PPP2R5A: variants seen among roughly 807,000 people sequenced by gnomAD.
PPP2R5A encodes the protein serine/threonine-protein phosphatase 2A 56 kDa regulatory subunit alpha isoform.
In PPP2R5A, 25 loss-of-function variants were observed where a neutral mutation model predicts 64.2. The ratio of observed to expected loss-of-function variants is 0.39; its 90% CI spans 0.28 to 0.54. The LOEUF is 0.54. PPP2R5A is among the 20% of genes least tolerant of loss of function. The pLI, the probability that PPP2R5A is intolerant of heterozygous loss-of-function variation, is 0.67. For synonymous variants in PPP2R5A, 198 were observed against 201.2 expected, an observed-to-expected ratio of 0.98 and a Z score of 0.13; for missense variants, 425 against 576.3, an observed-to-expected ratio of 0.74 and a Z score of 2.69.
chr1:212,325,450 T>C (rs1429790750), intron 1 of PPP2R5A, among the ~76,000 whole-genome samples: 1 of 152,076 alleles, frequency 6.6e-6, no homozygotes, highest in Non-Finnish European at 1.5e-5. Flanking sequence ...TTCATTCACA[T>C]TGAGGAGGTG....
intron 1 of PPP2R5A, among the ~76,000 whole-genome samples, chr1:212,320,633 C>G (rs1460895424): frequency 2.7e-5 from 4 of 145,744 alleles, no homozygotes; most frequent in Admixed American, 6.8e-5. Context: ...GCTGACCTCC[C>G]TGCCTCCCTC....
intron 1 of PPP2R5A, 62 bp downstream of exon 1, chr1:212,286,353 C>A: frequency 7.2e-7 from 1 of 1,383,378 alleles, no homozygotes; most frequent in Non-Finnish European, 9.3e-7. Flanking sequence ...TGCCTCTGCG[C>A]CAGCAGAGCC....
At chr1:212,311,536 G>A (rs552051474) in intron 1 of PPP2R5A, among the ~76,000 whole-genome samples, 13 of 151,824 alleles carry the variant, frequency 8.6e-5, no homozygotes, top group African/African-American at 3.1e-4. Context: ...AAATGTTACT[G>A]GCTTATGTAT....
intron 1 of PPP2R5A, among the ~76,000 whole-genome samples, chr1:212,320,802 G>A (rs1318302987): frequency 3.6e-5 from 5 of 139,680 alleles, no homozygotes; most frequent in Non-Finnish European, 7.9e-5. Flanking sequence ...GCGGCTGGCC[G>A]GGCGGGGGGC....
At chr1:212,302,025 C>A in intron 1 of PPP2R5A, 1 of 1,518,410 alleles carries the variant, frequency 6.6e-7, no homozygotes, top group Non-Finnish European at 8.8e-7. Flanking sequence ...TTGGTTATCA[C>A]CTCAGAAGTT....
chr1:212,352,439 T>C (rs1229021447), intron 8 of PPP2R5A, among the ~76,000 whole-genome samples: 1 of 151,358 alleles, frequency 6.6e-6, no homozygotes, highest in Non-Finnish European at 1.5e-5. Context: ...TTGGGTTTGT[T>C]TGTTTGTGTT....
chr1:212,342,810 T>C (rs1659707348), intron 4 of PPP2R5A, among the ~76,000 whole-genome samples: 1 of 152,130 alleles, frequency 6.6e-6, no homozygotes, highest in Non-Finnish European at 1.5e-5. Context: ...AGTGGAATCA[T>C]TAAGAACGTA....
In PPP2R5A at chr1:212,293,071, C is replaced by T. The variant is rs184976969; in HGVS notation, c.181+6780C>T. ...AGGATGCTAAAAGCCTAAAACAAAA[C>T]GAAACAGAACAACAACAACAAAATA... On this transcript the variant is annotated intron_variant, in intron 1 of 12. Transcript: ENST00000261461. Among the ~76,000 whole-genome samples the T allele has an allele frequency of 3.2e-3, 480 of 152,214 alleles. 4 individuals are homozygous for T. Among genetic ancestry groups the T allele is most frequent in the African/African-American group, 0.011 (458 of 41,540 alleles).
At position 212,357,071 on chromosome 1, in the gene PPP2R5A, TATG is replaced by T; in HGVS notation, c.1098+6_1098+8del. 2 of 1,600,422 alleles carry T rather than the reference TATG, an allele frequency of 1.2e-6. No individual in the cohort carries two copies. Among genetic ancestry groups the T allele is most frequent in the Non-Finnish European group, 1.7e-6 (2 of 1,176,042 alleles). ...TGTGTATCCAGTTCTCATTTTCAGG[TATG>T]ATGTTTTCAGTGAAGCCTTTACTTT... On this transcript the variant is annotated splice_donor_5th_base_variant and intron_variant, in intron 10 of 12. Transcript: ENST00000261461.
intron 3 of PPP2R5A, among the ~76,000 whole-genome samples, chr1:212,336,637 G>A (rs1659598294): frequency 6.6e-6 from 1 of 152,160 alleles, no homozygotes; most frequent in South Asian, 2.1e-4. Flanking sequence ...ATACTAAAGT[G>A]ACCTGATTTA....
intron 4 of PPP2R5A, 34 bp from the exon 5 acceptor site, chr1:212,345,769 T>G (rs1490790446): frequency 8.9e-6 from 14 of 1,570,974 alleles, no homozygotes; most frequent in Non-Finnish European, 1.2e-5. Context: ...GCTCGATTAT[T>G]TTTTAAAAGT....
intron 8 of PPP2R5A, among the ~76,000 whole-genome samples, chr1:212,355,347 T>C (rs1259463282): frequency 3.3e-5 from 5 of 152,200 alleles, no homozygotes. Context: ...AATTCTGGTA[T>C]TCCTTTCCAA....
intron 1 of PPP2R5A, among the ~76,000 whole-genome samples, chr1:212,296,759 T>G (rs1386976894): frequency 6.6e-6 from 1 of 152,234 alleles, no homozygotes; most frequent in Non-Finnish European, 1.5e-5. Context: ...AAGCAAAAGC[T>G]ATTAAATTGA....
intron 1 of PPP2R5A, among the ~76,000 whole-genome samples, chr1:212,315,554 AAAG>A (rs1378465905): frequency 6.6e-6 from 1 of 152,246 alleles, no homozygotes; most frequent in Non-Finnish European, 1.5e-5. Flanking sequence ...ACATTTTCCT[AAAG>A]ATTCTAATTT....
chr1:212,346,513 A>G (rs922135633), intron 5 of PPP2R5A, among the ~76,000 whole-genome samples: 14 of 152,086 alleles, frequency 9.2e-5, no homozygotes, highest in Non-Finnish European at 1.8e-4. Context: ...ATTACTTACA[A>G]TACTTAATAC....
intron 8 of PPP2R5A, among the ~76,000 whole-genome samples, chr1:212,351,401 G>C (rs1659876746): frequency 6.6e-6 from 1 of 152,072 alleles, no homozygotes; most frequent in South Asian, 2.1e-4. Flanking sequence ...TCCTATCAAA[G>C]CTTTCTACAA....
chr1:212,320,778 A>G (rs1476585883), intron 1 of PPP2R5A, among the ~76,000 whole-genome samples: 1 of 102,776 alleles, frequency 9.7e-6, no homozygotes, highest in Admixed American at 9.9e-5. Context: ...GGCGCCCCTC[A>G]CCTCCCGGAT....
At chr1:212,316,304 A>G (rs2102423125) in intron 1 of PPP2R5A, among the ~76,000 whole-genome samples, 2 of 152,352 alleles carry the variant, frequency 1.3e-5, no homozygotes, top group East Asian at 3.9e-4. Flanking sequence ...GTGCTACTCC[A>G]GTGACCGCAT....
chr1:212,352,975 A>G (rs777518232), intron 8 of PPP2R5A: 3 of 517,170 alleles, frequency 5.8e-6, no homozygotes, highest in Non-Finnish European at 1.2e-5. Flanking sequence ...AATGACAAGC[A>G]TTTGTTGCCT....
Sources: gnomAD v4.1 joint callset for allele counts (sites outside exome capture counted in the v4.1 genomes callset) on GRCh38, gnomAD v4.1.1 for gene constraint, MANE v1.5 for transcripts, NCBI Gene and HGNC (gene_info 2026-07-23, HGNC 2026-07-21) for gene names.